EPS8L3: variants seen among roughly 807,000 people sequenced by gnomAD.
EPS8L3 encodes the protein EPS8 signaling adaptor L3.
Under a neutral mutation model 88.5 loss-of-function variants are expected in EPS8L3, and 80 were observed. The observed-to-expected ratio is 0.90, with a 90% CI of 0.75 to 1.09. The LOEUF (loss-of-function observed/expected upper bound fraction) is 1.09. Ranked by LOEUF, EPS8L3 falls within the 50% of genes least tolerant of loss-of-function variation. The pLI is 0.00. For synonymous variants in EPS8L3, 286 were observed against 291.0 expected, an observed-to-expected ratio of 0.98 and a Z score of 0.18; for missense variants, 721 against 735.2, an observed-to-expected ratio of 0.98 and a Z score of 0.22.
chr1:109,751,901 C>T (rs1018184430), intron 15 of EPS8L3, 94 bp downstream of exon 15: 1 of 1,566,900 alleles, frequency 6.4e-7, no homozygotes, highest in Non-Finnish European at 8.7e-7. Context: ...AGGCCACCCA[C>T]CTTGGCAGCT....
At position 109,759,314 on chromosome 1, in the gene EPS8L3, G is replaced by A. The variant is rs1198153048; in HGVS notation, c.329C>T (p.Ser110Phe). The A allele has an allele frequency of 3.1e-6, 5 of 1,614,110 alleles. No homozygotes were observed. The highest frequency in any genetic ancestry group is 4.2e-6 in the Non-Finnish European group (5 of 1,180,054). Residue 110 changes from serine to phenylalanine, a missense_variant, in exon 5 of 19, where the codon TCC becomes TTC. Ser to Phe is a radical substitution (Grantham distance 155, BLOSUM62 -2). Coordinates refer to ENST00000361965, the MANE Select transcript of EPS8L3 (RefSeq NM_133181.4). This position sits in a 1 kb window ranked among gnomAD's most constrained non-coding sequence, Gnocchi z 4.2. ...NVALNTCSYN[S>F]ILSITVQEPG... ...CTCCTGCACGGTGATGGACAGGATG[G>A]AGTTGTAGGAACATGTGTTGAGCGC...
At chr1:109,751,457 T>C in intron 16 of EPS8L3, 106 bp from the exon 17 acceptor site, 1 of 1,357,946 alleles carries the variant, frequency 7.4e-7, no homozygotes, top group East Asian at 2.3e-5. Flanking sequence ...TCACTTCTCT[T>C]ACTCTGTGGC....
At chr1:109,753,279 C>A (rs1019480475) in intron 12 of EPS8L3, 81 bp from the exon 13 acceptor site, 8 of 1,140,412 alleles carry the variant, frequency 7.0e-6, no homozygotes, top group African/African-American at 1.6e-5. Flanking sequence ...AGGGAGGGGA[C>A]GACAGGGCCT....
chr1:109,761,583 C>T (rs540308503), intron 2 of EPS8L3, 24 bp from the exon 3 acceptor site: 39 of 1,612,506 alleles, frequency 2.4e-5, no homozygotes, highest in South Asian at 8.8e-5. Flanking sequence ...GAGCAAGGGG[C>T]GGGAGGTGGG....
rs1434170094 is a variant in EPS8L3 at position 109,757,867 on chromosome 1, G to A, written c.833-4C>T. 7 of 1,614,102 alleles carry A rather than the reference G, an allele frequency of 4.3e-6. No homozygotes were observed. The East Asian group carries it at 1.1e-4, about 26-fold the overall frequency. Reference sequence around the variant, plus strand: ...ATGTACTGTGCCTGGGTGAGACCTGGGAGAAGGGGCCAAGACGGTGGGCCA... The same window carrying A: ...ATGTACTGTGCCTGGGTGAGACCTGAGAGAAGGGGCCAAGACGGTGGGCCA... On this transcript the variant is annotated splice_polypyrimidine_tract_variant and splice_region_variant and intron_variant, in intron 9 of 18. Transcript: ENST00000361965.
At chr1:109,755,922 C>A (rs1650244650) in intron 12 of EPS8L3, among the ~76,000 whole-genome samples, 4 of 152,226 alleles carry the variant, frequency 2.6e-5, no homozygotes, top group Non-Finnish European at 1.5e-5. Flanking sequence ...GGTTTTCATC[C>A]CTCTGCTCTT....
chr1:109,759,798 C>T lies in EPS8L3; in HGVS notation c.135G>A (p.Gln45=), dbSNP rs1440029736. ...MTCKQGSQRV[Q]GPEDALQKLF... is the part of the protein sequence containing the mutation. ...GCTTCTGCAAGGCATCCTCGGGCCC[C>T]TGGACTCTCTGACTCCCCTGCTTGC... is the stretch of plus-strand genomic sequence containing the variant. Residue 45 remains glutamine (Q), a synonymous_variant, in exon 4 of 19, where the codon CAG becomes CAA. Transcript: ENST00000361965. The surrounding 1 kb of genome is among the most constrained non-coding windows in gnomAD (Gnocchi z 4.2). 6.2e-7 allele frequency: 1 copy of T among 1,614,094 alleles called. No homozygotes were observed. Among genetic ancestry groups the T allele is most frequent in the Non-Finnish European group, 8.5e-7 (1 of 1,180,016 alleles).
intron 3 of EPS8L3, among the ~76,000 whole-genome samples, chr1:109,761,011 A>G (rs1209874653): frequency 2.6e-5 from 4 of 152,060 alleles, no homozygotes; most frequent in African/African-American, 9.7e-5. Flanking sequence ...GTCACCCTGG[A>G]GGCTTGGGCC....
chr1:109,756,822 G>A (rs1198149404), intron 12 of EPS8L3, among the ~76,000 whole-genome samples, 195 bp downstream of exon 12: 1 of 152,224 alleles, frequency 6.6e-6, no homozygotes, highest in Non-Finnish European at 1.5e-5. Context: ...GTGATGGCAA[G>A]TGTGCACTTT....
rs760225779 is a variant in EPS8L3 at position 109,757,842 on chromosome 1, A to T, written c.854T>A (p.Ile285Asn). ...DQGGLTQAQY[I>N]DCFQKIKHSF... The stretch of plus-strand genomic sequence containing the variant: ...GTGCTTGATCTTCTGGAAGCAGTCA[A>T]TGTACTGTGCCTGGGTGAGACCTGG... The change falls in exon 10 of 19, where the codon ATT becomes AAT. Residue 285 changes from isoleucine (I) to asparagine (N), a missense_variant. Physicochemically the swap from Ile to Asn is moderately radical, Grantham distance 149. Transcript: ENST00000361965. The T allele has an allele frequency of 6.2e-7, 1 of 1,614,172 alleles. No homozygotes were observed.
intron 3 of EPS8L3, 122 bp downstream of exon 3, chr1:109,761,373 G>A: frequency 2.4e-6 from 2 of 819,534 alleles, no homozygotes; most frequent in Non-Finnish European, 3.9e-6. Context: ...ACATGGTTGG[G>A]ACAGGCTGTT....
intron 12 of EPS8L3, among the ~76,000 whole-genome samples, chr1:109,756,602 T>C (rs553710265): frequency 6.6e-6 from 1 of 152,312 alleles, no homozygotes; most frequent in Non-Finnish European, 1.5e-5. Flanking sequence ...TCTGTCTCTC[T>C]TAACCTCAGG....
chr1:109,751,701 G>A lies in EPS8L3; in HGVS notation c.1516C>T (p.Pro506Ser), dbSNP rs1452775721. The A allele has an allele frequency of 1.9e-6, 3 of 1,613,808 alleles. No individual in the cohort carries two copies. The highest frequency in any genetic ancestry group is 1.7e-6 in the Non-Finnish European group (2 of 1,179,976). ...GTCCCAGGGGTCCCCGGCTGTAGGGGCTCCAGGATGTTGCTTGGAATGTAG... is the reference window on the plus strand; with the variant it reads ...GTCCCAGGGGTCCCCGGCTGTAGGGACTCCAGGATGTTGCTTGGAATGTAG... ...SGYIPSNILEPLQPGTPGTQG... is the reference protein window; with the variant it reads ...SGYIPSNILESLQPGTPGTQG... Residue 506 changes from proline (P) to serine (S), a missense_variant, in exon 16 of 19, where the codon CCC becomes TCC. Transcript: ENST00000361965.
chr1:109,756,777 G>C (rs1650320360), intron 12 of EPS8L3, among the ~76,000 whole-genome samples: 1 of 152,192 alleles, frequency 6.6e-6, no homozygotes, highest in Non-Finnish European at 1.5e-5. Flanking sequence ...GGGAAAAACT[G>C]TTCTTTTTTC....
chr1:109,761,594 C>A, intron 2 of EPS8L3, 35 bp from the exon 3 acceptor site: 1 of 1,611,920 alleles, frequency 6.2e-7, no homozygotes, highest in East Asian at 2.2e-5. Flanking sequence ...GGGAGGTGGG[C>A]AGAAGAACGA....
In EPS8L3 at chr1:109,757,943, C is replaced by A; in HGVS notation, c.832+1G>T. 6.2e-7 allele frequency: 1 copy of A among 1,614,160 alleles called. No homozygotes were observed. The highest frequency in any genetic ancestry group is 8.5e-7 in the Non-Finnish European group (1 of 1,179,976). The stretch of plus-strand genomic sequence containing the variant: ...CCTCTTCCCTGGCCCTCAGTACTCA[C>A]CTCCCTGGTCCTTGTTTTTTTTCCC... On this transcript the variant is annotated splice_donor_variant, in intron 9 of 18. Coordinates refer to ENST00000361965, the MANE Select transcript of EPS8L3 (RefSeq NM_133181.4). LOFTEE classifies it high-confidence loss of function.
At position 109,758,336 on chromosome 1, in the gene EPS8L3, C is replaced by CGG. The variant is rs757500755; in HGVS notation, c.695_696dup (p.Glu233ProfsTer11). 6.2e-7 allele frequency: 1 copy of CGG among 1,613,606 alleles called. No individual in the cohort carries two copies. The highest frequency in any genetic ancestry group is 1.7e-5 in the Admixed American group (1 of 59,886). On this transcript the variant is annotated frameshift_variant, in exon 8 of 19. Coordinates refer to ENST00000361965, the MANE Select transcript of EPS8L3 (RefSeq NM_133181.4). LOFTEE classifies it high-confidence loss of function. ...GTTACCTCGTCCCTCTCTGGGTCCT[C>CGG]GGGGGAAGAGGACCGCCTTGGAGGA...
chr1:109,761,527 A>T lies in EPS8L3; in HGVS notation c.64T>A (p.Ser22Thr), dbSNP rs754713077. 2 of 1,613,440 alleles carry T rather than the reference A, an allele frequency of 1.2e-6. No homozygotes were observed. Among genetic ancestry groups the T allele is most frequent in the South Asian group, 1.1e-5 (1 of 91,060 alleles). Residue 22 changes from serine (S) to threonine (T), a missense_variant, in exon 3 of 19, where the codon TCA (serine) becomes ACA (threonine). Transcript: ENST00000361965. ...HRKEYSQNLT[S>T]EPTLLQHRVE... ...CTGTGCTGCAGGAGGGTGGGCTCTG[A>T]GGTGAGGTTCTGGGAGTACTCCTTC...
At position 109,751,687 on chromosome 1, in the gene EPS8L3, C is replaced by A. The variant is rs745983213; in HGVS notation, c.1530G>T (p.Gly510=). 1.2e-6 allele frequency: 2 copies of A among 1,613,962 alleles called. No individual in the cohort carries two copies. Among genetic ancestry groups the A allele is most frequent in the Admixed American group, 3.3e-5 (2 of 60,012 alleles). The part of the protein sequence containing the change: ...PSNILEPLQP[G]TPGTQGQSPS... ...GTGACTGGCCCTGGGTCCCAGGGGT[C>A]CCCGGCTGTAGGGGCTCCAGGATGT... The change falls in exon 16 of 19, where the codon GGG becomes GGT. Residue 510 remains glycine (G), a synonymous_variant. Coordinates refer to ENST00000361965, the MANE Select transcript of EPS8L3 (RefSeq NM_133181.4).
Sources: allele counts gnomAD v4.1 joint callset (sites outside exome capture counted in the v4.1 genomes callset), GRCh38; gene constraint gnomAD v4.1.1; non-coding constraint Gnocchi (gnomAD v3.1); transcripts MANE v1.5; gene names NCBI Gene and HGNC (gene_info 2026-07-23, HGNC 2026-07-21).